LONP2: variants seen among roughly 807,000 people sequenced by gnomAD.
LONP2 encodes lon protease homolog 2, peroxisomal.
LONP2 carries 60 observed loss-of-function variants against 85.6 expected under a neutral mutation model. The observed-to-expected ratio is 0.70, with a 90% CI of 0.57 to 0.87. The LOEUF (loss-of-function observed/expected upper bound fraction) is 0.87. Ranked by LOEUF, LONP2 falls within the 40% of genes least tolerant of loss-of-function variation. The pLI, the probability that LONP2 is intolerant of heterozygous loss-of-function variation, is 0.00. For missense variants in LONP2, 860 were observed against 1,063.5 expected (o/e 0.81, Z 2.66); for synonymous variants, 395 against 389.7 (o/e 1.01, Z -0.16).
At chr16:48,276,386 C>G (rs1972208769) in intron 7 of LONP2, among the ~76,000 whole-genome samples, 2 of 152,140 alleles carry the variant, frequency 1.3e-5, no homozygotes, top group Admixed American at 1.3e-4. Context: ...TGTGGCTGTT[C>G]CACTTGTCAT....
At chr16:48,249,553 A>G (rs543580774) in intron 1 of LONP2, among the ~76,000 whole-genome samples, 12 of 152,198 alleles carry the variant, frequency 7.9e-5, no homozygotes, top group African/African-American at 2.7e-4. Context: ...CTAGCCATCT[A>G]TAATTTCATA....
At chr16:48,313,364 A>G (rs1345697110) in intron 11 of LONP2, among the ~76,000 whole-genome samples, 1 of 152,134 alleles carries the variant, frequency 6.6e-6, no homozygotes, top group Non-Finnish European at 1.5e-5. Flanking sequence ...TGCAGGATGT[A>G]CAAGTTTATT....
In LONP2 at chr16:48,339,756, T is replaced by C. The variant is rs74680591; in HGVS notation, c.1938+5398T>C. On this transcript the variant is annotated intron_variant, in intron 12 of 14. Transcript: ENST00000285737. ...GATATTATGTAGAAAGGGACAAGAA[T>C]ATTGAGTTATTTATAAGGAAAAGAT... Among the ~76,000 whole-genome samples the C allele has an allele frequency of 5.9e-3, 894 of 152,188 alleles. 6 individuals are homozygous for C. Among genetic ancestry groups the C allele is most frequent in the African/African-American group, 0.021 (874 of 41,502 alleles).
At chr16:48,271,840 T>C (rs1567316769) in intron 7 of LONP2, among the ~76,000 whole-genome samples, 2 of 152,252 alleles carry the variant, frequency 1.3e-5, no homozygotes, top group South Asian at 4.1e-4. Context: ...TTTCAAAAGA[T>C]ATTTTTGTTG....
At position 48,362,656 on chromosome 16, in the gene LONP2, G is replaced by T; in HGVS notation, c.*793G>T. On this transcript the variant is annotated 3_prime_UTR_variant, in exon 5 of 5. Coordinates refer to the LONP2 transcript ENST00000565867. The surrounding 1 kb of genome is among the most constrained non-coding windows in gnomAD (Gnocchi z 4.2). ...ATAAGCTCTCTTTTCAAAATGTTCC[G>T]GAAAACATGTGGAACTCCCTTAATC... 2.0e-6 allele frequency: 1 copy of T among 494,718 alleles called. No homozygotes were observed. Among genetic ancestry groups the T allele is most frequent in the Non-Finnish European group, 3.7e-6 (1 of 270,636 alleles). The allele number at this position is 494,718 out of a possible 1,614,324, so 30.6% of individuals were successfully genotyped here.
chr16:48,344,902 G>C (rs1056023490), intron 12 of LONP2: 2 of 152,428 alleles, frequency 1.3e-5, no homozygotes, highest in African/African-American at 4.8e-5. Flanking sequence ...CTGGGTGACA[G>C]AGTGAGACTC....
intron 14 of LONP2, among the ~76,000 whole-genome samples, chr16:48,349,976 G>C (rs1372387811): frequency 6.6e-6 from 1 of 150,736 alleles, no homozygotes; most frequent in Non-Finnish European, 1.5e-5. Flanking sequence ...AAATGGGCCA[G>C]GCGTGGCAGC....
At chr16:48,349,737 G>C (rs1960082447) in intron 14 of LONP2, among the ~76,000 whole-genome samples, 1 of 152,208 alleles carries the variant, frequency 6.6e-6, no homozygotes, top group Admixed American at 6.5e-5. Flanking sequence ...AAAACAATTT[G>C]TTGTTAGAAC....
intron 11 of LONP2, among the ~76,000 whole-genome samples, chr16:48,328,718 AC>A (rs1959335731): frequency 6.7e-6 from 1 of 148,610 alleles, no homozygotes; most frequent in Non-Finnish European, 1.5e-5. Flanking sequence ...GGTGGTACAC[AC>A]CTGTAATCCC....
At chr16:48,321,038 G>A (rs1973252695) in intron 11 of LONP2, among the ~76,000 whole-genome samples, 1 of 152,084 alleles carries the variant, frequency 6.6e-6, no homozygotes, top group Non-Finnish European at 1.5e-5. Flanking sequence ...GGCTTAAGCT[G>A]TCCTCCCACC....
intron 6 of LONP2, among the ~76,000 whole-genome samples, chr16:48,268,495 C>T (rs1323479924): frequency 6.6e-6 from 1 of 152,156 alleles, no homozygotes. Flanking sequence ...GTTTGCATAA[C>T]TAAAATAAAT....
rs997184512 is a variant in LONP2, at chr16:48,322,294, A to G, written c.1796-11922A>G. Among the ~76,000 whole-genome samples the G allele has an allele frequency of 5.3e-5, 8 of 152,350 alleles. No individual in the cohort carries two copies. The East Asian group carries it at 1.3e-3, about 26-fold the overall frequency. ...AAAAAATTCACAACTTCTGGCATAA[A>G]TGGGTTAATATCCTTACTGTATATA... On this transcript the variant is annotated intron_variant, in intron 11 of 14. Coordinates refer to ENST00000285737, the MANE Select transcript of LONP2 (RefSeq NM_031490.5).
At position 48,352,631 on chromosome 16, in the gene LONP2, C is replaced by G. The variant is rs1960184816; in HGVS notation, c.*829C>G. On this transcript the variant is annotated 3_prime_UTR_variant, in exon 15 of 15. Coordinates refer to ENST00000285737, the MANE Select transcript of LONP2 (RefSeq NM_031490.5). ...CCTGGCTGACAGAGCGAGACTGTCT[C>G]TAAAAAAAAAAGACTCAAGTGGACC... 1 of 151,706 alleles carries G rather than the reference C, an allele frequency of 6.6e-6. No individual in the cohort carries two copies. Among genetic ancestry groups the G allele is most frequent in the South Asian group, 2.1e-4 (1 of 4,826 alleles). The allele number at this position is 151,706 out of a possible 1,614,324, so 9.4% of individuals were successfully genotyped here.
chr16:48,326,234 A>G (rs930850290), intron 11 of LONP2, among the ~76,000 whole-genome samples: 2 of 152,236 alleles, frequency 1.3e-5, no homozygotes, highest in Non-Finnish European at 2.9e-5. Context: ...TAACAGAAAC[A>G]GTAGTAGTCC....
At chr16:48,277,892 AT>A (rs529245504) in intron 8 of LONP2, among the ~76,000 whole-genome samples, 561 of 137,680 alleles carry the variant, frequency 4.1e-3, no homozygotes, top group East Asian at 6.9e-3. Context: ...GCACTTCCTG[AT>A]TTTTTTTTTT....
intron 6 of LONP2, 55 bp downstream of exon 6, chr16:48,262,927 T>G (rs1011398950): frequency 2.6e-6 from 3 of 1,159,012 alleles, no homozygotes; most frequent in Non-Finnish European, 1.2e-6. Context: ...AGAAAGCTCA[T>G]GCAATTTTTC....
intron 12 of LONP2, among the ~76,000 whole-genome samples, chr16:48,343,259 T>A (rs1000515450): frequency 1.4e-4 from 21 of 152,196 alleles, no homozygotes; most frequent in Admixed American, 1.3e-3. Context: ...CGTGTTGATC[T>A]AGGATTGGAA....
rs111658576 is a variant in LONP2, at chr16:48,342,199, T to G, written c.1939-5308T>G. 6.7e-3 allele frequency among the ~76,000 whole-genome samples: 1,025 copies of G among 152,234 alleles called. 13 individuals carry two copies. The highest frequency in any genetic ancestry group is 0.023 in the African/African-American group (975 of 41,534). The stretch of plus-strand genomic sequence containing the variant: ...CCTCAGTGTTGGCTTCTGACCATGG[T>G]GTATGAAAAGCCCTTGTCTAAAGGT... On this transcript the variant is annotated intron_variant, in intron 12 of 14. Transcript: ENST00000285737.
At chr16:48,327,221 C>T (rs1285584356) in intron 11 of LONP2, among the ~76,000 whole-genome samples, 1 of 152,168 alleles carries the variant, frequency 6.6e-6, no homozygotes, top group Non-Finnish European at 1.5e-5. Context: ...TAGATAATAC[C>T]TATTAAAGGT....
Sources: gnomAD v4.1 joint callset for allele counts (sites outside exome capture counted in the v4.1 genomes callset) on GRCh38, gnomAD v4.1.1 for gene constraint, Gnocchi (gnomAD v3.1) non-coding constraint, MANE v1.5 for transcripts, NCBI Gene and HGNC (gene_info 2026-07-23, HGNC 2026-07-21) for gene names.